Variants in INO80 observed in about 807,000 individuals in gnomAD.
The protein encoded by INO80 is chromatin-remodeling ATPase INO80.
A neutral mutation model predicts 203.4 loss-of-function variants in INO80; 20 were observed. That is an observed-to-expected ratio of 0.10 (90% CI 0.07 to 0.14). The LOEUF (loss-of-function observed/expected upper bound fraction) is 0.14. Among genes scored for constraint, INO80 ranks in the 10% least tolerant of loss-of-function variants. The pLI is 1.00. For missense variants in INO80, 1,419 were observed against 1,914.4 expected, an observed-to-expected ratio of 0.74 and a Z score of 4.83; for synonymous variants, 726 against 685.2, an observed-to-expected ratio of 1.06 and a Z score of -0.93.
In INO80 at chr15:41,016,197, G is replaced by C. The variant is rs1207856591; in HGVS notation, c.3293C>G (p.Thr1098Ser). Residue 1098 changes from threonine (T) to serine (S), a missense_variant, in exon 27 of 36, where the codon ACT (threonine) becomes AGT (serine). By Grantham distance (58) the Thr-to-Ser change is moderately conservative. Coordinates refer to ENST00000648947, the MANE Select transcript of INO80 (RefSeq NM_017553.3). ...IRIPGKESLI[T>S]DSGKLYALDV... ...AAGGGCATACAGCTTTCCACTGTCAGTGATGAGGCTCTCCTTGCCTGGGGA... is the reference window on the plus strand; with the variant it reads ...AAGGGCATACAGCTTTCCACTGTCACTGATGAGGCTCTCCTTGCCTGGGGA... The C allele has an allele frequency of 1.2e-6, 2 of 1,613,976 alleles. No homozygotes were observed. The highest frequency in any genetic ancestry group is 1.7e-6 in the Non-Finnish European group (2 of 1,179,922).
intron 14 of INO80, among the ~76,000 whole-genome samples, chr15:41,061,009 T>C (rs533995865): frequency 6.6e-6 from 1 of 152,232 alleles, no homozygotes; most frequent in South Asian, 2.1e-4. Flanking sequence ...AATAAAAATA[T>C]TAAAAACAGA....
intron 1 of INO80, among the ~76,000 whole-genome samples, chr15:41,103,190 G>A (rs2045834185): frequency 6.6e-6 from 1 of 152,116 alleles, no homozygotes; most frequent in African/African-American, 2.4e-5. Context: ...GGCATGCAGT[G>A]AGTCCCAATG....
chr15:41,058,814 A>G, intron 15 of INO80, 33 bp from the exon 16 acceptor site: 1 of 1,592,492 alleles, frequency 6.3e-7, no homozygotes, highest in Non-Finnish European at 8.6e-7. Context: ...GTGAAAAGAG[A>G]AACCTAATAA....
chr15:41,039,531 G>A (rs537129261), intron 24 of INO80, among the ~76,000 whole-genome samples: 1 of 152,248 alleles, frequency 6.6e-6, no homozygotes, highest in African/African-American at 2.4e-5. Flanking sequence ...GCAGTAATAT[G>A]TTTGTAAACA....
rs1247273856 is a variant in INO80, at chr15:41,096,325, T to G, written c.-15A>C. 3.8e-6 allele frequency: 6 copies of G among 1,567,294 alleles called. No individual in the cohort carries two copies. Among genetic ancestry groups the G allele is most frequent in the Non-Finnish European group, 5.2e-6 (6 of 1,164,272 alleles). ...TCCGAGGCCATAGAACAAATCTGTC[T>G]TCATGCACAAGGACCTCCGACTGCA... On this transcript the variant is annotated 5_prime_UTR_variant, in exon 2 of 36. Transcript: ENST00000648947.
intron 1 of INO80, among the ~76,000 whole-genome samples, chr15:41,109,986 TG>T (rs1279056783): frequency 2.7e-5 from 4 of 149,034 alleles, no homozygotes; most frequent in African/African-American, 5.0e-5. Flanking sequence ...TCCCAGCTGC[TG>T]GGGAGGCTGA....
chr15:41,095,150 C>T (rs2045703304), intron 4 of INO80, among the ~76,000 whole-genome samples: 1 of 152,024 alleles, frequency 6.6e-6, no homozygotes, highest in South Asian at 2.1e-4. Context: ...ACCAACCTAG[C>T]TAACATGGTG....
chr15:40,982,913 C>T lies in INO80; in HGVS notation c.4402G>A (p.Ala1468Thr). The T allele has an allele frequency of 6.2e-7, 1 of 1,614,008 alleles. No individual in the cohort carries two copies. Among genetic ancestry groups the T allele is most frequent in the Non-Finnish European group, 8.5e-7 (1 of 1,180,046 alleles). The change falls in exon 35 of 36, where the codon GCA becomes ACA. Residue 1468 changes from alanine (A) to threonine (T), a missense_variant. Transcript: ENST00000648947. ...GCATAGGCAGCTGCAGAGGCCGCTG[C>T]AGCCCCGGCTTTGGCTCCTGCCATT... ...AAMAGAKAGA[A>T]AASAAAYAAY...
intron 1 of INO80, among the ~76,000 whole-genome samples, chr15:41,108,591 CAAAAAAAAAAA>C (rs61591905): frequency 7.5e-5 from 4 of 53,206 alleles, no homozygotes; most frequent in Non-Finnish European, 1.2e-4. Flanking sequence ...GACTCCGTCT[CAAAAAAAAAAA>C]AAAAAAAAGG....
At chr15:41,115,712 A>C (rs890809203) in intron 1 of INO80, among the ~76,000 whole-genome samples, 1 of 151,862 alleles carries the variant, frequency 6.6e-6, no homozygotes, top group Non-Finnish European at 1.5e-5. Context: ...TGGGCGCCCC[A>C]CGGGCTTCCT....
At chr15:40,981,038 A>G (rs986861001) in intron 35 of INO80, among the ~76,000 whole-genome samples, 1 of 152,178 alleles carries the variant, frequency 6.6e-6, no homozygotes, top group Admixed American at 6.5e-5. Flanking sequence ...GCAACAGTGA[A>G]CTTCCCTTTT....
At chr15:41,106,607 G>A (rs569487513) in intron 1 of INO80, among the ~76,000 whole-genome samples, 2 of 151,978 alleles carry the variant, frequency 1.3e-5, no homozygotes, top group African/African-American at 4.8e-5. Context: ...CAGCCTGGGT[G>A]ACAGGGCAAG....
chr15:41,087,253 T>C (rs113013073), intron 6 of INO80, among the ~76,000 whole-genome samples: 42 of 152,246 alleles, frequency 2.8e-4, no homozygotes, highest in African/African-American at 1.0e-3. Flanking sequence ...ATATGAGGTA[T>C]TATAAGTAAT....
chr15:41,031,355 G>A (rs1375580486), intron 24 of INO80, among the ~76,000 whole-genome samples: 1 of 150,170 alleles, frequency 6.7e-6, no homozygotes, highest in African/African-American at 2.5e-5. Context: ...AAGAAAGTTT[G>A]TTCATTACTT....
intron 23 of INO80, among the ~76,000 whole-genome samples, chr15:41,045,482 T>C (rs1342520096): frequency 6.6e-6 from 1 of 151,260 alleles, no homozygotes; most frequent in Admixed American, 6.6e-5. Context: ...CTTGGGAGGC[T>C]GACGCATGAG....
intron 1 of INO80, among the ~76,000 whole-genome samples, chr15:41,108,336 T>C (rs965596626): frequency 6.6e-6 from 1 of 152,056 alleles, no homozygotes; most frequent in Non-Finnish European, 1.5e-5. Flanking sequence ...ACACCTGTAA[T>C]CCCAGCACTT....
intron 24 of INO80, among the ~76,000 whole-genome samples, chr15:41,029,204 A>T (rs1011894840): frequency 3.9e-5 from 6 of 152,244 alleles, no homozygotes; most frequent in African/African-American, 9.6e-5. Context: ...GTAAGAGAAT[A>T]ATAGTTATAA....
intron 16 of INO80, among the ~76,000 whole-genome samples, chr15:41,058,218 G>C (rs1401212243): frequency 1.3e-5 from 2 of 152,124 alleles, no homozygotes; most frequent in African/African-American, 4.8e-5. Context: ...CTGTAAAAAT[G>C]TCACCTTCTT....
chr15:41,051,128 C>CAAAAAAAAAAAAAAAAAAAAAAA (rs368535813), intron 19 of INO80, among the ~76,000 whole-genome samples: 4 of 78,512 alleles, frequency 5.1e-5, no homozygotes, highest in Non-Finnish European at 6.9e-5. Flanking sequence ...GACTCCATCT[C>CAAAAAAAAAAAAAAAAAAAAAAA]AAAAAAAAAA....
Sources: gnomAD v4.1 joint callset for allele counts (sites outside exome capture counted in the v4.1 genomes callset) on GRCh38, gnomAD v4.1.1 for gene constraint, MANE v1.5 for transcripts, NCBI Gene and HGNC (gene_info 2026-07-23, HGNC 2026-07-21) for gene names.